Variants in WDPCP observed in about 807,000 individuals in gnomAD.
The protein encoded by WDPCP is WD repeat containing planar cell polarity effector, also known as WD repeat-containing and planar cell polarity effector protein fritz homolog.
Under a neutral mutation model 93.1 loss-of-function variants are expected in WDPCP, and 71 were observed. That is an observed-to-expected ratio of 0.76 (90% CI 0.63 to 0.93). WDPCP has a LOEUF of 0.93. Ranked by LOEUF, WDPCP falls within the 40% of genes least tolerant of loss-of-function variation. The probability of loss-of-function intolerance (pLI) is 0.00; values close to 1 mark genes in which losing one functional copy is unlikely to be tolerated. For missense variants in WDPCP, 844 were observed against 887.4 expected, an observed-to-expected ratio of 0.95 and a Z score of 0.62; for synonymous variants, 315 against 315.0, an observed-to-expected ratio of 1.00 and a Z score of 0.00.
intron 3 of WDPCP, among the ~76,000 whole-genome samples, chr2:63,618,776 T>C (rs1709701132): frequency 6.6e-6 from 1 of 151,650 alleles, no homozygotes; most frequent in Non-Finnish European, 1.5e-5. Flanking sequence ...CCGCAATCTC[T>C]GCCTCCCAGG....
chr2:63,722,711 C>T (rs1171477952), intron 2 of WDPCP, among the ~76,000 whole-genome samples: 21 of 149,136 alleles, frequency 1.4e-4, no homozygotes, highest in Non-Finnish European at 2.2e-4. Flanking sequence ...AGGTGAGGGG[C>T]GCCTCTGCCC....
chr2:63,143,002 GT>G (rs1671208858), intron 17 of WDPCP, among the ~76,000 whole-genome samples: 1 of 152,102 alleles, frequency 6.6e-6, no homozygotes, highest in African/African-American at 2.4e-5. Flanking sequence ...CCAGGCTGGA[GT>G]GCAGTGGTGC....
At chr2:63,242,608 C>A (rs1281616912) in intron 14 of WDPCP, among the ~76,000 whole-genome samples, 1 of 152,056 alleles carries the variant, frequency 6.6e-6, no homozygotes, top group African/African-American at 2.4e-5. Context: ...GGCAACAGAG[C>A]GAGACATTGT....
At chr2:63,782,274 A>T (rs1395374645) in intron 2 of WDPCP, among the ~76,000 whole-genome samples, 3 of 152,218 alleles carry the variant, frequency 2.0e-5, no homozygotes, top group East Asian at 3.8e-4. Flanking sequence ...CATGACTAAG[A>T]CTTCAAAAGC....
In WDPCP at chr2:63,120,365, C is replaced by A. The variant is rs964722030; in HGVS notation, c.*1641G>T. Among the ~76,000 whole-genome samples, 1 of 151,808 alleles carries A rather than the reference C, an allele frequency of 6.6e-6. No individual in the cohort carries two copies. On this transcript the variant is annotated 3_prime_UTR_variant, in exon 18 of 18. Coordinates refer to ENST00000272321, the MANE Select transcript of WDPCP (RefSeq NM_015910.7). ...TAATTTGAGTTTCACCTTTTTTTGT[C>A]ATACCCTCTGGTAGAGGTACAGATA...
Position 63,684,675 on chromosome 2 carries a change from T to C in WDPCP, n.309-33837A>G, listed in dbSNP as rs556462778. ...GTCAAGTTTGAAGAGAGATACAAGA[T>C]AGGCAAGAACAAGTGGTTCTTCCAG... On this transcript the variant is annotated intron_variant and non_coding_transcript_variant, in intron 2 of 4. Transcript: ENST00000467687. 8 of 682,358 alleles carry C rather than the reference T, an allele frequency of 1.2e-5. No individual in the cohort carries two copies. In the Admixed American group the frequency reaches 1.3e-4, roughly 11 times the overall value. 42.3% of individuals were successfully genotyped at this position (682,358 alleles called of 1,614,324 possible).
chr2:63,694,227 AT>A (rs1668933179), intron 2 of WDPCP, among the ~76,000 whole-genome samples: 1 of 152,210 alleles, frequency 6.6e-6, no homozygotes, highest in Non-Finnish European at 1.5e-5. Context: ...TAGATCAATG[AT>A]TGGTGAAGTG....
At position 63,783,546 on chromosome 2, in the gene WDPCP, T is replaced by TA. The variant is rs545731747; in HGVS notation, n.308+30075dup. Among the ~76,000 whole-genome samples, 310 of 152,004 alleles carry TA rather than the reference T, an allele frequency of 2.0e-3. 3 individuals are homozygous for TA. Among genetic ancestry groups the TA allele is most frequent in the African/African-American group, 7.1e-3 (294 of 41,460 alleles). Reference sequence around the variant, plus strand: ...AAGTGTTCATCAGCAGATGACTGGATAAAAAAAGTATAAGTATATATACAC... The same window carrying TA: ...AAGTGTTCATCAGCAGATGACTGGATAAAAAAAAGTATAAGTATATATACAC... On this transcript the variant is annotated intron_variant and non_coding_transcript_variant, in intron 2 of 4. Transcript: ENST00000467687.
At chr2:63,499,364 G>T (rs1701408779) in intron 1 of WDPCP, among the ~76,000 whole-genome samples, 2 of 152,184 alleles carry the variant, frequency 1.3e-5, no homozygotes, top group South Asian at 4.1e-4. Context: ...CCATAATAAG[G>T]AAGTCTTTGC....
At chr2:63,605,359 A>G (rs1200146406) in intron 3 of WDPCP, 1 of 1,614,178 alleles carries the variant, frequency 6.2e-7, no homozygotes, top group South Asian at 1.1e-5. Flanking sequence ...GCCATCTGTG[A>G]CCACGTCAGG....
chr2:63,571,708 A>G (rs1030934911), intron 1 of WDPCP: 4 of 453,300 alleles, frequency 8.8e-6, no homozygotes, highest in African/African-American at 8.1e-5. Flanking sequence ...AAAGTTTTAA[A>G]TATTCAAACA....
Position 63,121,885 on chromosome 2 carries a change from T to C in WDPCP, c.*121A>G. 1 of 1,511,468 alleles carries C rather than the reference T, an allele frequency of 6.6e-7. No homozygotes were observed. Among genetic ancestry groups the C allele is most frequent in the Non-Finnish European group, 8.8e-7 (1 of 1,130,324 alleles). 93.6% of individuals were successfully genotyped at this position (1,511,468 alleles called of 1,614,324 possible). On this transcript the variant is annotated 3_prime_UTR_variant, in exon 18 of 18. Transcript: ENST00000272321. ...AAAACAAACACTCAACTCAAAACTC[T>C]TAACTAATTTATATGATTCATACTG...
intron 1 of WDPCP, chr2:63,827,499 C>T (rs1182832275): frequency 6.6e-6 from 1 of 152,086 alleles, no homozygotes; most frequent in Admixed American, 6.6e-5. Context: ...ATCATGGATT[C>T]TATAATAATT....
At chr2:63,621,246 T>TCTATC (rs1272057094) in intron 3 of WDPCP, among the ~76,000 whole-genome samples, 1 of 152,010 alleles carries the variant, frequency 6.6e-6, no homozygotes, top group African/African-American at 2.4e-5. Context: ...AGGAGCACAT[T>TCTATC]CTAACCCAAG....
intron 2 of WDPCP, among the ~76,000 whole-genome samples, chr2:63,805,685 A>G (rs1670754471): frequency 6.6e-6 from 1 of 152,234 alleles, no homozygotes; most frequent in East Asian, 1.9e-4. Flanking sequence ...AGGAGGGGCA[A>G]TGCCATAGGA....
chr2:63,697,789 A>AG (rs978146672), intron 2 of WDPCP, among the ~76,000 whole-genome samples: 3 of 149,950 alleles, frequency 2.0e-5, no homozygotes, highest in African/African-American at 4.9e-5. Context: ...CTGGGACTAC[A>AG]GGGGTGTACC....
intron 3 of WDPCP, chr2:63,622,804 C>G: frequency 6.2e-7 from 1 of 1,611,878 alleles, no homozygotes; most frequent in Non-Finnish European, 8.5e-7. Flanking sequence ...CTCCGGAGCA[C>G]GCTCTGGCCC....
At chr2:63,391,489 G>C (rs1693242979) in intron 10 of WDPCP, among the ~76,000 whole-genome samples, 1 of 152,118 alleles carries the variant, frequency 6.6e-6, no homozygotes, top group African/African-American at 2.4e-5. Flanking sequence ...CACGAGACAA[G>C]GATGCCCTCT....
At chr2:63,351,762 T>G (rs1263907431) in intron 12 of WDPCP, among the ~76,000 whole-genome samples, 1 of 152,190 alleles carries the variant, frequency 6.6e-6, no homozygotes, top group Non-Finnish European at 1.5e-5. Context: ...GGTAGAATGA[T>G]TTATATTCCT....
Sources: allele counts gnomAD v4.1 joint callset (sites outside exome capture counted in the v4.1 genomes callset), GRCh38; gene constraint gnomAD v4.1.1; transcripts MANE v1.5; gene names NCBI Gene and HGNC (gene_info 2026-07-23, HGNC 2026-07-21).